The following KITLG variants were observed in gnomAD, a reference collection of about 807,000 sequenced individuals.
The protein encoded by KITLG is KIT ligand.
Under a neutral mutation model 34.1 loss-of-function variants are expected in KITLG, and 13 were observed. The observed-to-expected ratio is 0.38, with a 90% CI of 0.25 to 0.61. KITLG has a LOEUF of 0.61. Ranked by LOEUF, KITLG falls within the 20% of genes least tolerant of loss-of-function variation. KITLG has a pLI of 0.60. For missense variants in KITLG, 292 were observed against 318.9 expected (o/e 0.92, Z 0.64); for synonymous variants, 110 against 104.0 (o/e 1.06, Z -0.35).
chr12:88,507,003 TA>T (rs1359934575), intron 7 of KITLG, 24 bp downstream of exon 7: 8 of 1,231,568 alleles, frequency 6.5e-6, no homozygotes, highest in Non-Finnish European at 9.6e-6. Flanking sequence ...AGCATATTTT[TA>T]AAAAAAGGAA....
chr12:88,501,169 C>CTTTT (rs1419548386), intron 9 of KITLG, among the ~76,000 whole-genome samples: 1 of 151,650 alleles, frequency 6.6e-6, no homozygotes, highest in Admixed American at 6.6e-5. Flanking sequence ...GATATTAAAC[C>CTTTT]CTCCTTCTTT....
Position 88,532,445 on chromosome 12 carries a change from A to T in KITLG, c.188T>A (p.Val63Asp). The T allele has an allele frequency of 6.2e-7, 1 of 1,608,622 alleles. No homozygotes were observed. The highest frequency in any genetic ancestry group is 8.5e-7 in the Non-Finnish European group (1 of 1,176,268). ...ITLKYVPGMD[V>D]LPSHCWISEM... is the part of the protein sequence containing the mutation. ...TCAGAAATGTAGTTTACATACCAAA[A>T]CATCCATCCCGGGGACATATTTGAG... is the stretch of plus-strand genomic sequence containing the variant. The change falls in exon 3 of 10, where the codon GTT (valine) becomes GAT (aspartate). Residue 63 changes from valine to aspartate, a missense_variant. Physicochemically the swap from Val to Asp is radical, Grantham distance 152 (BLOSUM62 -3). Around this residue, in one of 2 missense-constraint regions of KITLG, gnomAD observed 152 missense variants for 207.9 expected, o/e 0.73. Coordinates refer to ENST00000644744, the MANE Select transcript of KITLG (RefSeq NM_000899.5).
intron 3 of KITLG, among the ~76,000 whole-genome samples, chr12:88,531,985 G>A (rs963438886): frequency 4.6e-5 from 7 of 151,890 alleles, no homozygotes; most frequent in African/African-American, 1.7e-4. Flanking sequence ...CAAATTCCTG[G>A]AACTAAACTC....
At chr12:88,531,309 A>G (rs1225318034) in intron 3 of KITLG, among the ~76,000 whole-genome samples, 2 of 152,218 alleles carry the variant, frequency 1.3e-5, no homozygotes, top group Non-Finnish European at 2.9e-5. Context: ...AGTCCAGCTC[A>G]GAATAAGTGT....
chr12:88,562,443 A>C (rs1216854821), intron 1 of KITLG, among the ~76,000 whole-genome samples: 3 of 152,220 alleles, frequency 2.0e-5, no homozygotes, highest in Non-Finnish European at 4.4e-5. Flanking sequence ...GAGCACCATA[A>C]GGTGCCATAT....
At chr12:88,500,779 T>C (rs1446342698) in intron 9 of KITLG, among the ~76,000 whole-genome samples, 1 of 152,154 alleles carries the variant, frequency 6.6e-6, no homozygotes, top group East Asian at 1.9e-4. Context: ...CTTCAGTTAA[T>C]TTTTTATTTT....
Position 88,532,485 on chromosome 12 carries a change from C to T in KITLG, c.148G>A (p.Asp50Asn). Residue 50 changes from aspartate (D) to asparagine (N), a missense_variant, in exon 3 of 10, where the codon GAC becomes AAC. By Grantham distance (23) the Asp-to-Asn change is conservative (BLOSUM62 1). Transcript: ENST00000644744. ...VTKLVANLPK[D>N]YMITLKYVPG... ...ACATATTTGAGGGTTATCATGTAGT[C>T]TTTTGGAAGATTTGCCACCTACAGA... 6.2e-7 allele frequency: 1 copy of T among 1,608,604 alleles called. No homozygotes were observed.
At chr12:88,548,142 G>A (rs1189093462) in intron 1 of KITLG, among the ~76,000 whole-genome samples, 1 of 152,126 alleles carries the variant, frequency 6.6e-6, no homozygotes, top group East Asian at 1.9e-4. Flanking sequence ...CCAGCACCAA[G>A]TGTACTGCTG....
chr12:88,565,489 G>T (rs1402509028), intron 1 of KITLG, among the ~76,000 whole-genome samples: 1 of 152,112 alleles, frequency 6.6e-6, no homozygotes, highest in Non-Finnish European at 1.5e-5. Context: ...GCCGGGAGTG[G>T]TGGCACGTGC....
At chr12:88,541,036 G>C (rs1363234962) in intron 2 of KITLG, among the ~76,000 whole-genome samples, 1 of 152,126 alleles carries the variant, frequency 6.6e-6, no homozygotes, top group Non-Finnish European at 1.5e-5. Flanking sequence ...GACATTCAGA[G>C]ACTCCAATTC....
rs139860786 is a variant in KITLG at position 88,567,033 on chromosome 12, G to A, written c.15+13231C>T. Among the ~76,000 whole-genome samples the A allele has an allele frequency of 2.1e-3, 325 of 152,182 alleles. 1 individual carries two copies. Among genetic ancestry groups the A allele is most frequent in the Non-Finnish European group, 3.4e-3 (229 of 68,004 alleles). On this transcript the variant is annotated intron_variant, in intron 1 of 9. Coordinates refer to ENST00000644744, the MANE Select transcript of KITLG (RefSeq NM_000899.5). ...AAATCTTCAGGGAAAAGTGCAAAAG[G>A]AATTCCTTTTTAAATCTAATTCTGT...
At chr12:88,515,676 C>T in intron 5 of KITLG, 59 bp from the exon 6 acceptor site, 6 of 1,282,058 alleles carry the variant, frequency 4.7e-6, no homozygotes, top group Non-Finnish European at 6.8e-6. Context: ...GTTATAGAGT[C>T]CCTGAAAGGT....
chr12:88,555,124 A>G (rs1249057213), intron 1 of KITLG, among the ~76,000 whole-genome samples: 1 of 152,222 alleles, frequency 6.6e-6, no homozygotes, highest in Non-Finnish European at 1.5e-5. Context: ...CAGACAATGT[A>G]ATATAATAAG....
chr12:88,572,173 C>A (rs1871672816), intron 1 of KITLG, among the ~76,000 whole-genome samples: 1 of 152,016 alleles, frequency 6.6e-6, no homozygotes, highest in African/African-American at 2.4e-5. Context: ...GACATTTGTA[C>A]AGAAGTGCAA....
At chr12:88,502,081 T>C (rs940848055) in intron 9 of KITLG, among the ~76,000 whole-genome samples, 13 of 152,160 alleles carry the variant, frequency 8.5e-5, no homozygotes, top group Non-Finnish European at 1.8e-4. Flanking sequence ...TAGGTGGCAG[T>C]ATGTGACCTG....
chr12:88,523,023 C>T (rs1490268877), intron 3 of KITLG, among the ~76,000 whole-genome samples: 3 of 152,138 alleles, frequency 2.0e-5, no homozygotes, highest in Non-Finnish European at 4.4e-5. Flanking sequence ...ATTCACCCAG[C>T]CTTCTAATCT....
chr12:88,566,152 G>A (rs1485299530), intron 1 of KITLG, among the ~76,000 whole-genome samples: 1 of 151,974 alleles, frequency 6.6e-6, no homozygotes, highest in Non-Finnish European at 1.5e-5. Context: ...TCTCTCTGAG[G>A]AAAATTCTGT....
intron 1 of KITLG, among the ~76,000 whole-genome samples, chr12:88,549,544 T>G (rs1212130603): frequency 6.6e-6 from 1 of 152,098 alleles, no homozygotes; most frequent in East Asian, 1.9e-4. Flanking sequence ...ATAAGAACTT[T>G]GGTATGGAAA....
intron 9 of KITLG, 39 bp from the exon 10 acceptor site, chr12:88,497,220 T>C (rs1250785590): frequency 1.3e-5 from 5 of 384,646 alleles, no homozygotes; most frequent in Non-Finnish European, 2.6e-5. Context: ...ATGGTGTATC[T>C]GCCTTCTGCC....
Sources: gnomAD v4.1 joint callset for allele counts (sites outside exome capture counted in the v4.1 genomes callset) on GRCh38, gnomAD v4.1.1 for gene constraint, gnomAD v4.1.1 regional missense constraint, MANE v1.5 for transcripts, NCBI Gene and HGNC (gene_info 2026-07-23, HGNC 2026-07-21) for gene names.